The following GDA variants were observed in gnomAD, a reference collection of about 807,000 sequenced individuals.
GDA encodes the protein cytoplasmic PSD-95 interactor.
GDA carries 18 observed loss-of-function variants against 59.6 expected under a neutral mutation model. The observed-to-expected ratio is 0.30, with a 90% CI of 0.21 to 0.45. GDA has a LOEUF of 0.45. GDA is among the 20% of genes least tolerant of loss of function. The pLI is 1.00. For missense variants in GDA, 427 were observed against 552.3 expected, an observed-to-expected ratio of 0.77 and a Z score of 2.27; for synonymous variants, 201 against 201.1, an observed-to-expected ratio of 1.00 and a Z score of 0.00.
In GDA at chr9:72,248,606, A is replaced by G; in HGVS notation, c.*264A>G. ...TTACTTTAAGCTCAAACAGAAGGGAATGCTATTACTGGTGGTGTTCCTACG... is the reference window on the plus strand; with the variant it reads ...TTACTTTAAGCTCAAACAGAAGGGAGTGCTATTACTGGTGGTGTTCCTACG... On this transcript the variant is annotated 3_prime_UTR_variant, in exon 14 of 14. Transcript: ENST00000358399. 1 of 1,234,052 alleles carries G rather than the reference A, an allele frequency of 8.1e-7. No homozygotes were observed. The highest frequency in any genetic ancestry group is 1.0e-6 in the Non-Finnish European group (1 of 984,348). The allele number at this position is 1,234,052 out of a possible 1,614,324, so 76.4% of individuals were successfully genotyped here.
At chr9:72,215,452 G>A (rs1453538570) in intron 5 of GDA, among the ~76,000 whole-genome samples, 1 of 152,160 alleles carries the variant, frequency 6.6e-6, no homozygotes, top group African/African-American at 2.4e-5. Flanking sequence ...GAACAGGAAA[G>A]TTGTTCTGGA....
At chr9:72,175,354 G>T (rs772285070) in intron 1 of GDA, among the ~76,000 whole-genome samples, 2 of 152,098 alleles carry the variant, frequency 1.3e-5, no homozygotes, top group Non-Finnish European at 2.9e-5. Context: ...TATTCAGGGG[G>T]TACGACAGAG....
chr9:72,228,105 C>T (rs1336352922), intron 9 of GDA, 65 bp downstream of exon 9: 3 of 882,686 alleles, frequency 3.4e-6, no homozygotes, highest in East Asian at 2.5e-5. Context: ...AGCCAAATGC[C>T]TTTGTTTCCT....
chr9:72,163,697 T>G (rs1828941937), intron 1 of GDA, among the ~76,000 whole-genome samples: 1 of 152,094 alleles, frequency 6.6e-6, no homozygotes, highest in African/African-American at 2.4e-5. Context: ...TTTCACCGTA[T>G]TAGCCAGGAT....
intron 1 of GDA, among the ~76,000 whole-genome samples, chr9:72,133,302 A>AAT (rs1554722418): frequency 3.6e-5 from 5 of 137,794 alleles, no homozygotes; most frequent in African/African-American, 1.3e-4. Context: ...AAAAAAAAAA[A>AAT]AAAAAAAATA....
chr9:72,179,650 C>T (rs1275202895), intron 1 of GDA, among the ~76,000 whole-genome samples: 1 of 152,122 alleles, frequency 6.6e-6, no homozygotes, highest in Non-Finnish European at 1.5e-5. Flanking sequence ...TTTCCCAGGG[C>T]TGCTGTAATG....
At chr9:72,204,119 A>T (rs1834367434) in intron 3 of GDA, among the ~76,000 whole-genome samples, 1 of 152,148 alleles carries the variant, frequency 6.6e-6, no homozygotes, top group Non-Finnish European at 1.5e-5. Flanking sequence ...CCGGCCGAGC[A>T]AGTGCTAACA....
At chr9:72,161,504 G>A (rs1277118567) in intron 1 of GDA, among the ~76,000 whole-genome samples, 4 of 152,068 alleles carry the variant, frequency 2.6e-5, no homozygotes, top group Non-Finnish European at 4.4e-5. Flanking sequence ...TTATGTCCTG[G>A]TGAGTAATTA....
intron 10 of GDA, among the ~76,000 whole-genome samples, chr9:72,236,122 A>G (rs1337781431): frequency 1.3e-5 from 2 of 152,144 alleles, no homozygotes; most frequent in Non-Finnish European, 2.9e-5. Flanking sequence ...CATCACTATA[A>G]TCATTTCCTT....
In GDA at chr9:72,167,074, A is replaced by G. The variant is rs140931128; in HGVS notation, c.123+17392A>G. ...TTTGTTTGTTTGTTTTTGGATAAAC[A>G]TAGAAATTGACGCTTTTGGTCTTAA... On this transcript the variant is annotated intron_variant, in intron 1 of 13. Transcript: ENST00000358399. Among the ~76,000 whole-genome samples the G allele has an allele frequency of 2.0e-4, 31 of 152,342 alleles. 1 individual carries two copies. The East Asian group carries it at 5.8e-3, about 28-fold the overall frequency.
intron 10 of GDA, among the ~76,000 whole-genome samples, chr9:72,231,521 C>A (rs564573974): frequency 4.0e-4 from 60 of 151,158 alleles, no homozygotes; most frequent in Non-Finnish European, 6.8e-4. Flanking sequence ...GCTGAGACTG[C>A]GCCACTGCAC....
chr9:72,144,191 C>T (rs1277554704), intron 1 of GDA, among the ~76,000 whole-genome samples: 2 of 152,150 alleles, frequency 1.3e-5, no homozygotes, highest in African/African-American at 2.4e-5. Context: ...CAATGCACTC[C>T]AGCCTGGGCA....
intron 1 of GDA, among the ~76,000 whole-genome samples, chr9:72,129,285 TA>T (rs1444990685): frequency 3.0e-5 from 4 of 133,468 alleles, no homozygotes; most frequent in Admixed American, 1.5e-4. Flanking sequence ...TTAAAAAAAA[TA>T]TTCAAACTTT....
At chr9:72,137,780 C>T (rs988667868) in intron 1 of GDA, among the ~76,000 whole-genome samples, 1 of 151,550 alleles carries the variant, frequency 6.6e-6, no homozygotes, top group South Asian at 2.1e-4. Context: ...CACCCCCCCA[C>T]CTTCAACTGT....
intron 8 of GDA, among the ~76,000 whole-genome samples, chr9:72,227,069 G>T (rs1837695101): frequency 6.6e-6 from 1 of 152,156 alleles, no homozygotes. Flanking sequence ...AGAGAGTCGA[G>T]ATTGCGCCAC....
intron 1 of GDA, among the ~76,000 whole-genome samples, chr9:72,152,670 A>T (rs1233234534): frequency 6.6e-6 from 1 of 152,002 alleles, no homozygotes; most frequent in African/African-American, 2.4e-5. Context: ...GTTTGAGTTC[A>T]TTGTGGATTC....
rs533664219 is a variant in GDA, at chr9:72,238,760, G to C, written c.989-2392G>C. On this transcript the variant is annotated intron_variant, in intron 10 of 13. Transcript: ENST00000358399. ...GGTCCTGGGGGAGTAGTGGGGTAAGGGGGCAGATCTTCTGAGAAAATGCTT... is the reference window on the plus strand; with the variant it reads ...GGTCCTGGGGGAGTAGTGGGGTAAGCGGGCAGATCTTCTGAGAAAATGCTT... 2.2e-4 allele frequency among the ~76,000 whole-genome samples: 33 copies of C among 152,176 alleles called. No homozygotes were observed. In the South Asian group the frequency reaches 6.8e-3, roughly 32 times the overall value.
chr9:72,142,581 A>G (rs889323296), intron 1 of GDA, among the ~76,000 whole-genome samples: 1 of 151,960 alleles, frequency 6.6e-6, no homozygotes, highest in African/African-American at 2.4e-5. Context: ...TCAAAAAAAA[A>G]AAAGAAGTAC....
upstream of GDA, among the ~76,000 whole-genome samples, chr9:72,148,584 A>G (rs572650989): frequency 2.6e-5 from 4 of 152,288 alleles, no homozygotes; most frequent in East Asian, 7.7e-4. Flanking sequence ...CAGAAGGAAC[A>G]GCACGTTAGA....
Sources: allele counts gnomAD v4.1 joint callset (sites outside exome capture counted in the v4.1 genomes callset), GRCh38; gene constraint gnomAD v4.1.1; transcripts MANE v1.5; gene names NCBI Gene and HGNC (gene_info 2026-07-23, HGNC 2026-07-21).